TTLL2: variants seen among roughly 807,000 people sequenced by gnomAD.
The protein encoded by TTLL2 is tubulin tyrosine ligase like 2.
In TTLL2, 10 loss-of-function variants were observed where a neutral mutation model predicts 7.5. That is an observed-to-expected ratio of 1.33 (90% CI 0.82 to 2.25). The LOEUF (loss-of-function observed/expected upper bound fraction) is 2.25. Ranked by LOEUF, TTLL2 falls within the 30% of genes most tolerant of loss-of-function variation. The pLI is 0.00. For missense variants in TTLL2, 733 were observed against 735.7 expected (o/e 1.00, Z 0.04); for synonymous variants, 284 against 280.3 (o/e 1.01, Z -0.13).
At position 167,338,944 on chromosome 6, in the gene TTLL2, C is replaced by T. The variant is rs187830232; in HGVS notation, c.204+141C>T. 9.5e-4 allele frequency: 788 copies of T among 826,634 alleles called. 9 individuals carry two copies. In the East Asian group the frequency reaches 0.017, roughly 18 times the overall value. The allele number at this position is 826,634 out of a possible 1,614,324, so 51.2% of individuals were successfully genotyped here. On this transcript the variant is annotated intron_variant, in intron 2 of 2. Transcript: ENST00000239587. ...CCTCCTTCTCTCCTTCCTTCCCTTC[C>T]TCCTTCCTGCTCTCCCTCTTTCTTT... is the stretch of plus-strand genomic sequence containing the variant.
In TTLL2 at chr6:167,338,758, C is replaced by T; in HGVS notation, c.159C>T (p.Ser53=). 3 of 1,613,788 alleles carry T rather than the reference C, an allele frequency of 1.9e-6. No homozygotes were observed. Among genetic ancestry groups the T allele is most frequent in the Non-Finnish European group, 2.5e-6 (3 of 1,179,834 alleles). ...LGARLQEAGV[S]IPPRRGRPTP... The stretch of plus-strand genomic sequence containing the variant: ...CAAGGCTACAGGAAGCAGGTGTTTC[C>T]ATCCCTCCCAGGCGAGGCCGCCCAA... Residue 53 remains serine (S), a synonymous_variant, in exon 2 of 3, where the codon TCC becomes TCT. Coordinates refer to ENST00000239587, the MANE Select transcript of TTLL2 (RefSeq NM_031949.5).
rs770880229 is a variant in TTLL2 at position 167,340,596 on chromosome 6, C to A, written c.696C>A (p.Ile232=). The change falls in exon 3 of 3, where the codon ATC becomes ATA. Residue 232 remains isoleucine, a synonymous_variant. Coordinates refer to ENST00000239587, the MANE Select transcript of TTLL2 (RefSeq NM_031949.5). ...TTTTCAGTGACTTTAAAGACTTCAT[C>A]TTTGATGATATGTACATAGTGCAGA... The part of the protein sequence containing the change: ...ILIFSDFKDF[I]FDDMYIVQKY... 5 of 1,614,186 alleles carry A rather than the reference C, an allele frequency of 3.1e-6. No individual in the cohort carries two copies. Among genetic ancestry groups the A allele is most frequent in the Non-Finnish European group, 4.2e-6 (5 of 1,180,042 alleles).
Position 167,341,739 on chromosome 6 carries a change from C to T in TTLL2, c.*60C>T. On this transcript the variant is annotated 3_prime_UTR_variant, in exon 3 of 3. Transcript: ENST00000239587. ...GATTTTTAAAAACCAAGGATCCTGT[C>T]CTAGAGAAAGCAATAGTTCAAGTCC... is the stretch of plus-strand genomic sequence containing the variant. 1 of 1,501,342 alleles carries T rather than the reference C, an allele frequency of 6.7e-7. No homozygotes were observed. The highest frequency in any genetic ancestry group is 8.8e-7 in the Non-Finnish European group (1 of 1,132,728). The allele number at this position is 1,501,342 out of a possible 1,614,324, so 93.0% of individuals were successfully genotyped here.
intron 1 of TTLL2, among the ~76,000 whole-genome samples, chr6:167,330,733 T>C (rs1475187775): frequency 6.6e-6 from 1 of 152,094 alleles, no homozygotes; most frequent in African/African-American, 2.4e-5. Context: ...GGAACACAGA[T>C]TAAAAGGACA....
intron 2 of TTLL2, among the ~76,000 whole-genome samples, chr6:167,339,775 G>A (rs182903047): frequency 1.1e-4 from 17 of 152,284 alleles, no homozygotes; most frequent in Non-Finnish European, 1.9e-4. Flanking sequence ...CCAACAGGAC[G>A]GGCCGCAGAT....
intron 1 of TTLL2, among the ~76,000 whole-genome samples, chr6:167,331,144 T>G (rs1314981524): frequency 6.6e-6 from 1 of 152,200 alleles, no homozygotes; most frequent in Non-Finnish European, 1.5e-5. Flanking sequence ...AAATATTAAT[T>G]GTATATATTC....
At chr6:167,334,714 T>C (rs1583110223) in intron 1 of TTLL2, among the ~76,000 whole-genome samples, 2 of 109,814 alleles carry the variant, frequency 1.8e-5, no homozygotes, top group East Asian at 2.6e-4. Context: ...AAACAAGCAA[T>C]GGGGAAAGGA....
At chr6:167,338,850 T>TCCTG in intron 2 of TTLL2, 47 bp downstream of exon 2, 2 of 1,450,198 alleles carry the variant, frequency 1.4e-6, no homozygotes, top group Non-Finnish European at 1.8e-6. Context: ...CTTCCTTCCT[T>TCCTG]CCTTCCTTCC....
At chr6:167,334,662 G>A (rs1778963832) in intron 1 of TTLL2, among the ~76,000 whole-genome samples, 2 of 123,874 alleles carry the variant, frequency 1.6e-5, no homozygotes, top group Non-Finnish European at 3.2e-5. Flanking sequence ...CAGAAATAAC[G>A]CCACATACCT....
intron 1 of TTLL2, among the ~76,000 whole-genome samples, chr6:167,332,827 TAAG>T (rs1299583556): frequency 6.1e-5 from 8 of 130,362 alleles, no homozygotes; most frequent in Non-Finnish European, 1.3e-4. Context: ...CTTATCAGCT[TAAG>T]GAGATTTTGG....
chr6:167,325,406 T>C (rs1778836498), intron 1 of TTLL2, among the ~76,000 whole-genome samples, 186 bp downstream of exon 1: 1 of 152,186 alleles, frequency 6.6e-6, no homozygotes, highest in Admixed American at 6.5e-5. Context: ...AGTCCAGCAT[T>C]GTATGAAGTC....
intron 1 of TTLL2, among the ~76,000 whole-genome samples, chr6:167,329,379 A>G (rs573803859): frequency 6.6e-6 from 1 of 152,196 alleles, no homozygotes; most frequent in African/African-American, 2.4e-5. Flanking sequence ...GTTTTTCGAC[A>G]TTTTGAGCTT....
chr6:167,327,208 A>G (rs569411433), intron 1 of TTLL2, among the ~76,000 whole-genome samples: 77 of 152,348 alleles, frequency 5.1e-4, no homozygotes, highest in African/African-American at 1.8e-3. Context: ...TGAAATAAAC[A>G]TAGGACAGAG....
At position 167,339,881 on chromosome 6, in the gene TTLL2, G is replaced by A. The variant is rs73266989; in HGVS notation, c.205-224G>A. 3.9e-5 allele frequency among the ~76,000 whole-genome samples: 6 copies of A among 152,074 alleles called. No homozygotes were observed. The East Asian group carries it at 7.7e-4, about 20-fold the overall frequency. On this transcript the variant is annotated intron_variant, in intron 2 of 2. Coordinates refer to ENST00000239587, the MANE Select transcript of TTLL2 (RefSeq NM_031949.5). Reference sequence around the variant, plus strand: ...CAGAATGCAATAGCAGGGCAAAATCGGAAGAAAGAGTAAAGGGGTTCCCAG... The same window carrying A: ...CAGAATGCAATAGCAGGGCAAAATCAGAAGAAAGAGTAAAGGGGTTCCCAG...
chr6:167,336,027 A>G (rs1279389510), intron 1 of TTLL2, among the ~76,000 whole-genome samples: 3 of 152,106 alleles, frequency 2.0e-5, no homozygotes, highest in African/African-American at 7.2e-5. Flanking sequence ...AGTAGAGACC[A>G]CATTTCCTGT....
At position 167,325,227 on chromosome 6, in the gene TTLL2, G is replaced by A. The variant is rs12526096; in HGVS notation, c.47+7G>A. 9.7e-3 allele frequency: 15,149 copies of A among 1,561,924 alleles called. 667 individuals are homozygous for A. The Admixed American group carries it at 0.12, about 13-fold the overall frequency. On this transcript the variant is annotated splice_region_variant and intron_variant, in intron 1 of 2. Coordinates refer to ENST00000239587, the MANE Select transcript of TTLL2 (RefSeq NM_031949.5). ...CACAAAGCCAGGCGCTGGGGTAAGCGTAGGAGGCGACACGTAGGATGGGAG... is the reference window on the plus strand; with the variant it reads ...CACAAAGCCAGGCGCTGGGGTAAGCATAGGAGGCGACACGTAGGATGGGAG...
At chr6:167,337,563 C>T (rs1273607780) in intron 1 of TTLL2, among the ~76,000 whole-genome samples, 1 of 152,150 alleles carries the variant, frequency 6.6e-6, no homozygotes, top group Non-Finnish European at 1.5e-5. Flanking sequence ...GGTGGGGGTG[C>T]CAGAGACTGG....
intron 1 of TTLL2, among the ~76,000 whole-genome samples, chr6:167,329,217 G>A (rs1345420953): frequency 6.6e-6 from 1 of 152,110 alleles, no homozygotes; most frequent in Non-Finnish European, 1.5e-5. Flanking sequence ...TGGAGATCAT[G>A]ACGTTGCTGA....
chr6:167,338,844 C>CTTCCTTCCTTCA lies in TTLL2; in HGVS notation c.204+52_204+53insATTCCTTCCTTC, dbSNP rs1554246404. 42 of 1,432,582 alleles carry CTTCCTTCCTTCA rather than the reference C, an allele frequency of 2.9e-5. No homozygotes were observed. In the Admixed American group the frequency reaches 3.9e-4, roughly 13 times the overall value. 88.7% of individuals were successfully genotyped at this position (1,432,582 alleles called of 1,614,324 possible). A position where few individuals can be genotyped will look rare whatever the true frequency, so the allele number is the denominator to read the frequency against. On this transcript the variant is annotated intron_variant, in intron 2 of 2. Coordinates refer to ENST00000239587, the MANE Select transcript of TTLL2 (RefSeq NM_031949.5). ...AGGTAGTTCCTTCCTTCCTTCCTTC[C>CTTCCTTCCTTCA]TTCCTTCCTTCCTTCCTTCCTTCTT... is the stretch of plus-strand genomic sequence containing the variant.
Sources: gnomAD v4.1 joint callset for allele counts (sites outside exome capture counted in the v4.1 genomes callset) on GRCh38, gnomAD v4.1.1 for gene constraint, MANE v1.5 for transcripts, NCBI Gene and HGNC (gene_info 2026-07-23, HGNC 2026-07-21) for gene names.